Variants in PDE7B observed in about 807,000 individuals in gnomAD.
PDE7B encodes 3',5'-cyclic-AMP phosphodiesterase 7B.
PDE7B carries 29 observed loss-of-function variants against 56.2 expected under a neutral mutation model. The observed-to-expected ratio is 0.52, with a 90% CI of 0.38 to 0.70. The LOEUF (loss-of-function observed/expected upper bound fraction) is 0.70. Ranked by LOEUF, PDE7B falls within the 30% of genes least tolerant of loss-of-function variation. PDE7B has a pLI of 0.00. For synonymous variants in PDE7B, 197 were observed against 196.9 expected, an observed-to-expected ratio of 1.00 and a Z score of 0.00; for missense variants, 490 against 565.0, an observed-to-expected ratio of 0.87 and a Z score of 1.35.
intron 3 of PDE7B, among the ~76,000 whole-genome samples, chr6:136,141,519 T>A (rs1228413462): frequency 6.6e-6 from 1 of 152,240 alleles, no homozygotes; most frequent in Non-Finnish European, 1.5e-5. Context: ...TTCTATTGAT[T>A]GGAATAGTTT....
intron 12 of PDE7B, 51 bp downstream of exon 12, chr6:136,187,167 C>T: frequency 1.1e-6 from 1 of 880,788 alleles, no homozygotes; most frequent in Non-Finnish European, 1.9e-6. Context: ...GCACATCTCA[C>T]AAAAGTGACA....
intron 1 of PDE7B, among the ~76,000 whole-genome samples, chr6:135,865,970 T>C (rs1397430489): frequency 1.3e-5 from 2 of 152,138 alleles, no homozygotes; most frequent in Non-Finnish European, 2.9e-5. Flanking sequence ...GACTCCAATA[T>C]GGACTAGAAG....
intron 1 of PDE7B, among the ~76,000 whole-genome samples, chr6:135,858,871 A>G (rs1775088960): frequency 6.6e-6 from 1 of 152,198 alleles, no homozygotes; most frequent in Admixed American, 6.5e-5. Flanking sequence ...CAAAATTAGT[A>G]TTTATTCAAA....
At chr6:136,110,444 G>A (rs901411521) in intron 3 of PDE7B, among the ~76,000 whole-genome samples, 1 of 152,126 alleles carries the variant, frequency 6.6e-6, no homozygotes, top group East Asian at 1.9e-4. Context: ...AGACCAGAAC[G>A]CTCCAACGGC....
At chr6:135,971,465 C>T (rs1373591434) in intron 2 of PDE7B, among the ~76,000 whole-genome samples, 3 of 152,028 alleles carry the variant, frequency 2.0e-5, no homozygotes, top group Non-Finnish European at 4.4e-5. Flanking sequence ...AGGCAGACCC[C>T]GTCAGAGAAG....
intron 1 of PDE7B, among the ~76,000 whole-genome samples, chr6:135,943,658 C>G (rs1410615255): frequency 6.6e-6 from 1 of 152,202 alleles, no homozygotes; most frequent in African/African-American, 2.4e-5. Flanking sequence ...AGGCACAGCA[C>G]TTAGTACAAG....
At chr6:136,152,788 G>A (rs1778541779) in intron 6 of PDE7B, among the ~76,000 whole-genome samples, 1 of 152,196 alleles carries the variant, frequency 6.6e-6, no homozygotes, top group Non-Finnish European at 1.5e-5. Flanking sequence ...GAAAATAACA[G>A]GCGTGACAAT....
intron 2 of PDE7B, among the ~76,000 whole-genome samples, chr6:136,062,818 G>T (rs1776865810): frequency 6.6e-6 from 1 of 152,168 alleles, no homozygotes; most frequent in African/African-American, 2.4e-5. Context: ...GCCCCAGATT[G>T]AACTGAAGGC....
At chr6:136,184,471 A>T (rs1779114488) in intron 11 of PDE7B, among the ~76,000 whole-genome samples, 1 of 152,240 alleles carries the variant, frequency 6.6e-6, no homozygotes, top group Admixed American at 6.5e-5. Flanking sequence ...TAAATAAAAA[A>T]TAGAGTTCCT....
At chr6:135,961,255 A>ATGTGTGTGTGTG (rs961322926) in intron 2 of PDE7B, among the ~76,000 whole-genome samples, 25 of 146,184 alleles carry the variant, frequency 1.7e-4, no homozygotes, top group African/African-American at 6.5e-4. Flanking sequence ...TAGAGTGTAT[A>ATGTGTGTGTGTG]TGTGTGTGTG....
At chr6:136,090,013 C>T (rs1332791934) in intron 2 of PDE7B, among the ~76,000 whole-genome samples, 1 of 152,110 alleles carries the variant, frequency 6.6e-6, no homozygotes, top group African/African-American at 2.4e-5. Context: ...TGATTACTAG[C>T]GATTGTGTAG....
chr6:135,852,108 C>A, intron 1 of PDE7B, 89 bp downstream of exon 1: 1 of 889,420 alleles, frequency 1.1e-6, no homozygotes. Flanking sequence ...TAAAATGAAC[C>A]TGTACATATA....
chr6:135,980,177 A>C (rs1562459102), intron 2 of PDE7B, among the ~76,000 whole-genome samples: 1 of 152,218 alleles, frequency 6.6e-6, no homozygotes, highest in Admixed American at 6.5e-5. Flanking sequence ...CCTGAGAAAA[A>C]CAAGCAATGA....
At chr6:136,038,159 C>T (rs1022488251) in intron 2 of PDE7B, 3 of 1,298,828 alleles carry the variant, frequency 2.3e-6, no homozygotes, top group African/African-American at 3.0e-5. Flanking sequence ...TCGCTTTTCC[C>T]TGCCTGGGAA....
intron 8 of PDE7B, 120 bp from the exon 9 acceptor site, chr6:136,173,677 C>T: frequency 4.3e-6 from 3 of 692,838 alleles, no homozygotes; most frequent in South Asian, 3.3e-5. Context: ...CCTGGTCTGC[C>T]TCTGGGTCAT....
At chr6:136,032,164 A>C (rs1776255909) in intron 2 of PDE7B, among the ~76,000 whole-genome samples, 1 of 152,316 alleles carries the variant, frequency 6.6e-6, no homozygotes, top group Middle Eastern at 3.4e-3. Context: ...TCCAAACAAA[A>C]CACTGAGGCC....
rs888377708 is a variant in PDE7B, at chr6:136,086,854, G to A, written c.83-21877G>A. Among the ~76,000 whole-genome samples, 18 of 152,288 alleles carry A rather than the reference G, an allele frequency of 1.2e-4. 1 individual carries two copies. The highest frequency in any genetic ancestry group is 6.2e-4 in the South Asian group (3 of 4,820). On this transcript the variant is annotated intron_variant, in intron 2 of 12. Coordinates refer to ENST00000308191, the MANE Select transcript of PDE7B (RefSeq NM_018945.4). ...GTGTGTGTACGGTGCCAAGATAGAC[G>A]GAGCAGCTGCTTCGGAAGAATATTG...
intron 1 of PDE7B, among the ~76,000 whole-genome samples, chr6:135,914,793 T>C (rs1392861777): frequency 7.0e-6 from 1 of 143,036 alleles, no homozygotes; most frequent in Non-Finnish European, 1.5e-5. Flanking sequence ...CCGGCTATAA[T>C]GCTTTTAAGA....
At chr6:136,094,789 A>G (rs1777446901) in intron 2 of PDE7B, 1 of 152,188 alleles carries the variant, frequency 6.6e-6, no homozygotes, top group Admixed American at 6.5e-5. Flanking sequence ...CCTGGCACAT[A>G]GTAGGCAAAC....
Sources: allele counts gnomAD v4.1 joint callset (sites outside exome capture counted in the v4.1 genomes callset), GRCh38; gene constraint gnomAD v4.1.1; transcripts MANE v1.5; gene names NCBI Gene and HGNC (gene_info 2026-07-23, HGNC 2026-07-21).